CENPW: variants seen among roughly 807,000 people sequenced by gnomAD.
The protein encoded by CENPW is centromere protein W.
A neutral mutation model predicts 11.1 loss-of-function variants in CENPW; 3 were observed. The ratio of observed to expected loss-of-function variants is 0.27; its 90% CI spans 0.12 to 0.70. The LOEUF is 0.70. Ranked by LOEUF, CENPW falls within the 30% of genes least tolerant of loss-of-function variation. The pLI, the probability that CENPW is intolerant of heterozygous loss-of-function variation, is 0.77. For missense variants in CENPW, 100 were observed against 105.6 expected (o/e 0.95, Z 0.23); for synonymous variants, 38 against 42.0 (o/e 0.91, Z 0.37).
At chr6:126,433,024 T>C in the CENPW span, among the ~76,000 whole-genome samples, 1 of 152,230 alleles carries the variant, frequency 6.6e-6, no homozygotes, top group African/African-American at 2.4e-5. Flanking sequence ...CAGATTTCTG[T>C]GAATTGGCCC....
At chr6:126,478,629 T>C in the CENPW span, among the ~76,000 whole-genome samples, 4 of 152,172 alleles carry the variant, frequency 2.6e-5, no homozygotes, top group African/African-American at 9.6e-5. Context: ...CAGTTATGTT[T>C]CTTTATTTGC....
chr6:126,438,206 T>C, the CENPW span, among the ~76,000 whole-genome samples: 2 of 151,854 alleles, frequency 1.3e-5, no homozygotes, highest in East Asian at 3.9e-4. Context: ...CTTTATTTTA[T>C]AAATTGCAAA....
the CENPW span, among the ~76,000 whole-genome samples, chr6:126,399,003 A>G: frequency 6.6e-6 from 1 of 151,726 alleles, no homozygotes; most frequent in Non-Finnish European, 1.5e-5. Context: ...TATTTTTATG[A>G]CTGTGTAGTA....
the CENPW span, among the ~76,000 whole-genome samples, chr6:126,466,689 A>G: frequency 6.6e-6 from 1 of 152,152 alleles, no homozygotes; most frequent in African/African-American, 2.4e-5. Context: ...TCTTTTATCC[A>G]TATTGAGTTG....
chr6:126,341,783 T>A (rs528096640), intron 1 of CENPW, among the ~76,000 whole-genome samples: 1 of 152,156 alleles, frequency 6.6e-6, no homozygotes, highest in Non-Finnish European at 1.5e-5. Context: ...ATCAAAGATA[T>A]CCAAGAGACC....
the CENPW span, among the ~76,000 whole-genome samples, chr6:126,444,599 C>T: frequency 6.6e-6 from 1 of 150,950 alleles, no homozygotes; most frequent in Non-Finnish European, 1.5e-5. Flanking sequence ...TTCTTCCCTT[C>T]AGCTCATTTC....
At chr6:126,398,960 C>A in the CENPW span, among the ~76,000 whole-genome samples, 30 of 152,052 alleles carry the variant, frequency 2.0e-4, no homozygotes, top group African/African-American at 6.7e-4. Flanking sequence ...TGGCCTCCAG[C>A]TGCATTCATG....
chr6:126,404,009 G>T, the CENPW span, among the ~76,000 whole-genome samples: 6 of 151,924 alleles, frequency 3.9e-5, no homozygotes, highest in Admixed American at 2.6e-4. Flanking sequence ...AAATCCTAGG[G>T]CCCTTAAGAA....
chr6:126,375,022 T>C, the CENPW span, among the ~76,000 whole-genome samples: 1 of 152,242 alleles, frequency 6.6e-6, no homozygotes, highest in East Asian at 1.9e-4. Context: ...CTCCTCAGGT[T>C]AATTTTATGA....
chr6:126,424,254 T>A, the CENPW span, among the ~76,000 whole-genome samples: 3 of 152,248 alleles, frequency 2.0e-5, no homozygotes, highest in African/African-American at 7.2e-5. Flanking sequence ...GAAACTGAAT[T>A]CCATTTATTT....
the CENPW span, among the ~76,000 whole-genome samples, chr6:126,480,264 A>T: frequency 6.6e-6 from 1 of 152,064 alleles, no homozygotes; most frequent in Non-Finnish European, 1.5e-5. Flanking sequence ...AGGAGAAATA[A>T]AAAATGTTAT....
the CENPW span, among the ~76,000 whole-genome samples, chr6:126,474,024 G>A: frequency 6.8e-6 from 1 of 147,748 alleles, no homozygotes; most frequent in South Asian, 2.1e-4. Flanking sequence ...ATGTATATAT[G>A]GTCTTTTATC....
At chr6:126,476,933 AC>A in the CENPW span, among the ~76,000 whole-genome samples, 597 of 152,138 alleles carry the variant, frequency 3.9e-3, 8 homozygotes, top group African/African-American at 0.014. Context: ...ACTGAGCCTT[AC>A]CAGTTTAAAT....
At chr6:126,456,539 A>C in the CENPW span, among the ~76,000 whole-genome samples, 1 of 151,620 alleles carries the variant, frequency 6.6e-6, no homozygotes, top group Non-Finnish European at 1.5e-5. Flanking sequence ...CTTACATCAT[A>C]CACAAAAATC....
the CENPW span, among the ~76,000 whole-genome samples, chr6:126,470,046 C>G: frequency 6.6e-6 from 1 of 152,180 alleles, no homozygotes; most frequent in Non-Finnish European, 1.5e-5. Context: ...TGGGGAGAAA[C>G]TCAAGCTGGC....
chr6:126,353,152 A>G (rs1273098389), downstream of CENPW, among the ~76,000 whole-genome samples: 1 of 151,936 alleles, frequency 6.6e-6, no homozygotes, highest in Non-Finnish European at 1.5e-5. Flanking sequence ...TACTAAGTGA[A>G]TATTTATATT....
chr6:126,380,710 G>A, the CENPW span, among the ~76,000 whole-genome samples: 1 of 151,918 alleles, frequency 6.6e-6, no homozygotes, highest in Non-Finnish European at 1.5e-5. Context: ...GATCCTATTG[G>A]GCATCAAGTA....
chr6:126,470,422 G>A, the CENPW span, among the ~76,000 whole-genome samples: 3 of 152,236 alleles, frequency 2.0e-5, no homozygotes, highest in African/African-American at 7.2e-5. Context: ...TTCACAGGAT[G>A]TATGGAAATG....
downstream of CENPW, among the ~76,000 whole-genome samples, chr6:126,353,819 T>G (rs1780519297): frequency 6.6e-6 from 1 of 152,096 alleles, no homozygotes; most frequent in African/African-American, 2.4e-5. Context: ...TTCTGTTGAC[T>G]TGTCTTTTAT....
Sources: allele counts gnomAD v4.1 joint callset (sites outside exome capture counted in the v4.1 genomes callset), GRCh38; gene constraint gnomAD v4.1.1; transcripts MANE v1.5; gene names NCBI Gene and HGNC (gene_info 2026-07-23, HGNC 2026-07-21).